MYOM2: variants seen among roughly 807,000 people sequenced by gnomAD.
The protein encoded by MYOM2 is myomesin-2.
MYOM2 carries 254 observed loss-of-function variants against 187.6 expected under a neutral mutation model. That is an observed-to-expected ratio of 1.35 (90% confidence interval 1.22 to 1.50). MYOM2 has a LOEUF of 1.50. MYOM2 is among the 40% of genes most tolerant of loss of function. The pLI is 0.00. For missense variants in MYOM2, 2,796 were observed against 1,924.0 expected, an observed-to-expected ratio of 1.45 and a Z score of -8.48; for synonymous variants, 981 against 753.8, an observed-to-expected ratio of 1.30 and a Z score of -4.94.
intron 1 of MYOM2, among the ~76,000 whole-genome samples, chr8:2,048,241 T>G (rs1345622205): frequency 2.0e-5 from 3 of 152,230 alleles, no homozygotes; most frequent in Non-Finnish European, 4.4e-5. Flanking sequence ...TTCGTCAGGC[T>G]GATCCCAGAA....
intron 15 of MYOM2, 53 bp downstream of exon 15, chr8:2,090,244 A>G (rs1796252290): frequency 1.2e-5 from 19 of 1,535,284 alleles, no homozygotes; most frequent in Non-Finnish European, 1.7e-5. Context: ...GAGTGGGGTG[A>G]CACCAAATAG....
At chr8:2,085,500 T>TGATCTCTGCGTGGCCCCACACTGTC in intron 14 of MYOM2, 110 bp downstream of exon 14, 1 of 629,098 alleles carries the variant, frequency 1.6e-6, no homozygotes, top group African/African-American at 7.0e-5. Context: ...CCCTCACTGT[T>TGATCTCTGCGTGGCCCCACACTGTC]GTGATCTCCG....
chr8:2,079,483 T>G (rs898191190), intron 12 of MYOM2, 77 bp from the exon 13 acceptor site: 1 of 1,397,456 alleles, frequency 7.2e-7, no homozygotes, highest in Non-Finnish European at 1.0e-6. Context: ...GATGCAGAGC[T>G]GGCACAGAAT....
chr8:2,047,878 G>A (rs1017969663), intron 1 of MYOM2, among the ~76,000 whole-genome samples: 5 of 152,310 alleles, frequency 3.3e-5, no homozygotes, highest in African/African-American at 4.8e-5. Flanking sequence ...CCACAGGACC[G>A]GATGTCACGT....
intron 16 of MYOM2, among the ~76,000 whole-genome samples, chr8:2,093,128 C>T (rs917237330): frequency 6.6e-6 from 1 of 152,130 alleles, no homozygotes; most frequent in African/African-American, 2.4e-5. Context: ...CTGTCAGAAC[C>T]ACCCTTGTGG....
At position 2,085,297 on chromosome 8, in the gene MYOM2, G is replaced by C; in HGVS notation, c.1551G>C (p.Val517=). The C allele has an allele frequency of 6.2e-7, 1 of 1,614,156 alleles. No homozygotes were observed. Among genetic ancestry groups the C allele is most frequent in the Non-Finnish European group, 8.5e-7 (1 of 1,180,014 alleles). ...AGGTTCCAGGGCCTCCCACCGGTGT[G>C]CACGCTTCCGAGATCAGCAGAAACT... ...DAQVPGPPTG[V]HASEISRNYV... Residue 517 remains valine, a synonymous_variant, in exon 14 of 37, where the codon GTG becomes GTC. Transcript: ENST00000262113.
intron 5 of MYOM2, among the ~76,000 whole-genome samples, chr8:2,058,453 A>G (rs1818747530): frequency 6.6e-6 from 1 of 152,258 alleles, no homozygotes; most frequent in Non-Finnish European, 1.5e-5. Flanking sequence ...ATAAGTGGAA[A>G]GCATAAACTC....
At chr8:2,109,966 C>A (rs1400140719) in intron 25 of MYOM2, among the ~76,000 whole-genome samples, 1 of 152,186 alleles carries the variant, frequency 6.6e-6, no homozygotes, top group Non-Finnish European at 1.5e-5. Context: ...GTTTCTGTGG[C>A]TTCTCTGCCT....
intron 5 of MYOM2, among the ~76,000 whole-genome samples, chr8:2,057,985 A>C (rs1818727892): frequency 7.3e-6 from 1 of 136,326 alleles, no homozygotes. Context: ...TGAGTCAACA[A>C]ATTTTTCAGA....
chr8:2,085,490 C>T (rs1292422852), intron 14 of MYOM2, 100 bp downstream of exon 14: 2 of 1,377,082 alleles, frequency 1.5e-6, no homozygotes, highest in Middle Eastern at 2.3e-4. Flanking sequence ...TCCGCGTGGC[C>T]CCTCACTGTT....
rs538990683 is a variant in MYOM2 at position 2,054,809 on chromosome 8, C to T, written c.263+2496C>T. On this transcript the variant is annotated intron_variant, in intron 3 of 36. Coordinates refer to ENST00000262113, the MANE Select transcript of MYOM2 (RefSeq NM_003970.4). ...TCACTCCCCTGTAAGAAGGCTTGTT[C>T]CCTGCAGGACATCTGACGCCATCGT... Among the ~76,000 whole-genome samples the T allele has an allele frequency of 1.2e-4, 18 of 152,330 alleles. No homozygotes were observed. The South Asian group carries it at 1.7e-3, about 14-fold the overall frequency.
intron 2 of MYOM2, among the ~76,000 whole-genome samples, chr8:2,051,656 T>C (rs1016021099): frequency 6.6e-6 from 1 of 152,128 alleles, no homozygotes; most frequent in Non-Finnish European, 1.5e-5. Flanking sequence ...CCTCAAGATA[T>C]ATATAATCCT....
chr8:2,137,864 T>G (rs1798135806), intron 32 of MYOM2, among the ~76,000 whole-genome samples: 1 of 152,172 alleles, frequency 6.6e-6, no homozygotes, highest in South Asian at 2.1e-4. Context: ...AATCAAGCTG[T>G]GATGTCCCTA....
chr8:2,135,115 C>G lies in MYOM2; in HGVS notation c.3801-5608C>G, dbSNP rs557300661. On this transcript the variant is annotated intron_variant, in intron 32 of 36. Coordinates refer to ENST00000262113, the MANE Select transcript of MYOM2 (RefSeq NM_003970.4). Reference sequence around the variant, plus strand: ...CTTTCCTGAGCTGTAAAGCCTGGCTCTCACCTACTGTTGTTGTTGTTTTTT... The same window carrying G: ...CTTTCCTGAGCTGTAAAGCCTGGCTGTCACCTACTGTTGTTGTTGTTTTTT... Among the ~76,000 whole-genome samples the G allele has an allele frequency of 7.9e-5, 12 of 152,304 alleles. No homozygotes were observed. The East Asian group carries it at 2.3e-3, about 29-fold the overall frequency.
chr8:2,079,812 G>A (rs1042921539), intron 13 of MYOM2, among the ~76,000 whole-genome samples, 199 bp downstream of exon 13: 8 of 152,102 alleles, frequency 5.3e-5, no homozygotes, highest in Non-Finnish European at 2.9e-5. Flanking sequence ...AGAGTGAGAG[G>A]GTGGGAGAAA....
intron 31 of MYOM2, among the ~76,000 whole-genome samples, chr8:2,128,635 G>T (rs1294854560): frequency 6.6e-6 from 1 of 152,050 alleles, no homozygotes; most frequent in Non-Finnish European, 1.5e-5. Context: ...ATTGCCCCTG[G>T]GGTTTCTTCT....
chr8:2,121,414 T>C (rs1255017692), intron 28 of MYOM2, among the ~76,000 whole-genome samples: 1 of 152,214 alleles, frequency 6.6e-6, no homozygotes, highest in African/African-American at 2.4e-5. Context: ...GAACCGTCTA[T>C]AAATATTTAA....
At chr8:2,097,067 C>A (rs7464275) in intron 18 of MYOM2, 401,423 of 950,482 alleles carry the variant, frequency 0.42, 85,957 homozygotes, top group East Asian at 0.61. Flanking sequence ...CACTACAGCT[C>A]CCGTCCGGAC....
chr8:2,057,160 C>T (rs944656423), intron 3 of MYOM2, among the ~76,000 whole-genome samples, 188 bp from the exon 4 acceptor site: 1 of 152,206 alleles, frequency 6.6e-6, no homozygotes, highest in Non-Finnish European at 1.5e-5. Context: ...TCATGCATGG[C>T]ATTCACACAC....
Sources: allele counts gnomAD v4.1 joint callset (sites outside exome capture counted in the v4.1 genomes callset), GRCh38; gene constraint gnomAD v4.1.1; transcripts MANE v1.5; gene names NCBI Gene and HGNC (gene_info 2026-07-23, HGNC 2026-07-21).